DYNC1LI1: variants seen among roughly 807,000 people sequenced by gnomAD.
DYNC1LI1 encodes dynein cytoplasmic 1 light intermediate chain 1, also known as cytoplasmic dynein 1 light intermediate chain 1.
DYNC1LI1 carries 19 observed loss-of-function variants against 63.8 expected under a neutral mutation model. The observed-to-expected ratio is 0.30, with a 90% confidence interval of 0.21 to 0.44. The LOEUF (loss-of-function observed/expected upper bound fraction) is 0.44. DYNC1LI1 is among the 20% of genes least tolerant of loss of function. DYNC1LI1 has a pLI of 1.00. For synonymous variants in DYNC1LI1, 225 were observed against 232.3 expected (o/e 0.97, Z 0.28); for missense variants, 565 against 630.2 (o/e 0.90, Z 1.11).
intron 5 of DYNC1LI1, among the ~76,000 whole-genome samples, chr3:32,540,344 A>G (rs1164294742): frequency 1.3e-5 from 2 of 152,104 alleles, no homozygotes; most frequent in African/African-American, 4.8e-5. Context: ...TTAAAAGTCT[A>G]CTTTAAGTAT....
At chr3:32,561,686 G>GA (rs1474399192) in intron 2 of DYNC1LI1, among the ~76,000 whole-genome samples, 2 of 150,926 alleles carry the variant, frequency 1.3e-5, no homozygotes, top group Non-Finnish European at 3.0e-5. Context: ...TACTTATGTA[G>GA]AAAGATTTAA....
rs1698335922 is a variant in DYNC1LI1, at chr3:32,570,629, G to T, written c.142C>A (p.Leu48Ile). Reference sequence around the variant, plus strand: ...AGGGAGAGGTGGAGTCGTTACCAAAGGTTCTGCCCGTCCTCGTCGTCGCCT... The same window carrying T: ...AGGGAGAGGTGGAGTCGTTACCAAATGTTCTGCCCGTCCTCGTCGTCGCCT... ...AAGDDEDGQN[L>I]WSCILSEVST... is the part of the protein sequence containing the mutation. Residue 48 changes from leucine (L) to isoleucine (I), a missense_variant, in exon 1 of 13, where the codon CTT (leucine) becomes ATT (isoleucine). Transcript: ENST00000273130. 1 of 1,576,474 alleles carries T rather than the reference G, an allele frequency of 6.3e-7. No individual in the cohort carries two copies. The highest frequency in any genetic ancestry group is 8.6e-7 in the Non-Finnish European group (1 of 1,161,476).
intron 6 of DYNC1LI1, among the ~76,000 whole-genome samples, chr3:32,536,487 T>A (rs550866226): frequency 6.6e-6 from 1 of 152,316 alleles, no homozygotes; most frequent in African/African-American, 2.4e-5. Flanking sequence ...TAACAAGACT[T>A]TCTATGATAG....
At position 32,570,329 on chromosome 3, in the gene DYNC1LI1, A is replaced by G; in HGVS notation, c.220+17T>C. 6.3e-7 allele frequency: 1 copy of G among 1,580,598 alleles called. No individual in the cohort carries two copies. Among genetic ancestry groups the G allele is most frequent in the Non-Finnish European group, 8.6e-7 (1 of 1,161,258 alleles). The stretch of plus-strand genomic sequence containing the variant: ...GCTGGGGGCCGGGCGGGGCGGGGCG[A>G]GGCAGGGAACACTTACCCAGCAGTA... On this transcript the variant is annotated intron_variant, in intron 2 of 12. Coordinates refer to ENST00000273130, the MANE Select transcript of DYNC1LI1 (RefSeq NM_016141.4).
At chr3:32,568,071 C>T (rs1162467291) in intron 2 of DYNC1LI1, among the ~76,000 whole-genome samples, 1 of 152,052 alleles carries the variant, frequency 6.6e-6, no homozygotes, top group African/African-American at 2.4e-5. Flanking sequence ...CTCCTGAGCT[C>T]AAACGATCCA....
At chr3:32,545,656 T>C (rs1697942638) in intron 3 of DYNC1LI1, 193 bp downstream of exon 3, 1 of 580,554 alleles carries the variant, frequency 1.7e-6, no homozygotes, top group Non-Finnish European at 3.0e-6. Flanking sequence ...TACCTTAAGA[T>C]GCTTAAAAGT....
chr3:32,570,389 G>C lies in DYNC1LI1; in HGVS notation c.177C>G (p.Arg59=). Residue 59 remains arginine, a synonymous_variant, in exon 2 of 13, where the codon CGC becomes CGG. Coordinates refer to ENST00000273130, the MANE Select transcript of DYNC1LI1 (RefSeq NM_016141.4). ...TCCCCGCAGGGAGCTTGGAGCGCGAGCGGGTGGAGACCTCGCTGAGGATGC... is the reference window on the plus strand; with the variant it reads ...TCCCCGCAGGGAGCTTGGAGCGCGACCGGGTGGAGACCTCGCTGAGGATGC... The part of the protein sequence containing the change: ...WSCILSEVST[R]SRSKLPAGKN... 6.2e-7 allele frequency: 1 copy of C among 1,606,774 alleles called. No homozygotes were observed. Among genetic ancestry groups the C allele is most frequent in the Non-Finnish European group, 8.5e-7 (1 of 1,177,596 alleles).
chr3:32,552,625 G>A (rs1698057946), intron 2 of DYNC1LI1, among the ~76,000 whole-genome samples: 1 of 152,090 alleles, frequency 6.6e-6, no homozygotes. Context: ...TGCATCCCTA[G>A]TACCTAAAAA....
chr3:32,532,480 A>ATGTGTATATATAT (rs1401907458), intron 8 of DYNC1LI1: 4 of 107,730 alleles, frequency 3.7e-5, no homozygotes, highest in African/African-American at 1.5e-4. Flanking sequence ...AAAAAAAAAA[A>ATGTGTATATATAT]ATGTGTGTAT....
intron 2 of DYNC1LI1, 102 bp downstream of exon 2, chr3:32,570,244 G>A (rs1315515881): frequency 2.1e-6 from 2 of 971,800 alleles, no homozygotes; most frequent in Non-Finnish European, 3.2e-6. Flanking sequence ...GGCGGGGCTG[G>A]GCCGGCTGTC....
chr3:32,562,200 C>T (rs571233046), intron 2 of DYNC1LI1, among the ~76,000 whole-genome samples: 10 of 152,114 alleles, frequency 6.6e-5, no homozygotes, highest in Admixed American at 3.9e-4. Context: ...GAATTGGAGG[C>T]TGCAGTAAGC....
At chr3:32,558,164 C>G (rs1027906299) in intron 2 of DYNC1LI1, among the ~76,000 whole-genome samples, 9 of 152,116 alleles carry the variant, frequency 5.9e-5, no homozygotes, top group South Asian at 2.1e-4. Context: ...GCCCAGGAGG[C>G]TGAGGCTGTA....
chr3:32,536,343 C>T (rs781664010), intron 6 of DYNC1LI1, among the ~76,000 whole-genome samples: 1 of 152,114 alleles, frequency 6.6e-6, no homozygotes, highest in Non-Finnish European at 1.5e-5. Flanking sequence ...TGAGTTTACT[C>T]TTCAGTGCAT....
Position 32,561,034 on chromosome 3 carries a change from C to CAAAAA in DYNC1LI1, c.220+9311_220+9312insTTTTT, listed in dbSNP as rs1553619588. The stretch of plus-strand genomic sequence containing the variant: ...AAAAAAAAAAAAAAAAAAAAAAAAA[C>CAAAAA]AAACAAAAAAAACACACACACACCA... On this transcript the variant is annotated intron_variant, in intron 2 of 12. Transcript: ENST00000273130. Among the ~76,000 whole-genome samples the CAAAAA allele has an allele frequency of 6.7e-4, 35 of 51,928 alleles. 2 individuals are homozygous for CAAAAA. The highest frequency in any genetic ancestry group is 6.8e-4 in the Non-Finnish European group (19 of 28,122). 34.1% of individuals were successfully genotyped at this position (51,928 alleles called of 152,430 possible). A position where few individuals can be genotyped will look rare whatever the true frequency, so the allele number is the denominator to read the frequency against.
chr3:32,529,892 A>T (rs1027813706), intron 10 of DYNC1LI1, among the ~76,000 whole-genome samples: 2 of 152,192 alleles, frequency 1.3e-5, no homozygotes, highest in African/African-American at 4.8e-5. Flanking sequence ...AATAAAGAAC[A>T]TATTGAGTGA....
chr3:32,534,945 A>G (rs2125431709), intron 6 of DYNC1LI1, among the ~76,000 whole-genome samples: 1 of 152,348 alleles, frequency 6.6e-6, no homozygotes, highest in Admixed American at 6.5e-5. Context: ...TATTTAAAGC[A>G]CATGAAAGGA....
intron 2 of DYNC1LI1, among the ~76,000 whole-genome samples, chr3:32,564,983 G>A (rs1206455330): frequency 2.6e-5 from 4 of 152,086 alleles, no homozygotes; most frequent in African/African-American, 9.7e-5. Flanking sequence ...TTCCTGAAGG[G>A]GGGGAAAAAA....
At chr3:32,555,693 T>TTATG (rs2125442651) in intron 2 of DYNC1LI1, among the ~76,000 whole-genome samples, 1 of 152,310 alleles carries the variant, frequency 6.6e-6, no homozygotes, top group African/African-American at 2.4e-5. Flanking sequence ...ACCGATCTCA[T>TTATG]TATGCTACTC....
At position 32,528,455 on chromosome 3, in the gene DYNC1LI1, T is replaced by A. The variant is rs1274655314; in HGVS notation, c.1453A>T (p.Lys485Ter). The change falls in exon 12 of 13, where the codon AAA becomes TAA. Residue 485 changes from lysine (K) to a stop codon, truncating the protein, a stop_gained. Coordinates refer to ENST00000273130, the MANE Select transcript of DYNC1LI1 (RefSeq NM_016141.4). LOFTEE classifies it high-confidence loss of function. Reference protein sequence around the residue: ...GGSSGLPPSTKKSGQKPVLDV... With the variant: ...GGSSGLPPST ...CTTCCCATAAGCATACCTGACTTTTTGGTGGATGGTGGTAAACCACTGCTT... is the reference window on the plus strand; with the variant it reads ...CTTCCCATAAGCATACCTGACTTTTAGGTGGATGGTGGTAAACCACTGCTT... 6.2e-7 allele frequency: 1 copy of A among 1,614,058 alleles called. No individual in the cohort carries two copies. Among genetic ancestry groups the A allele is most frequent in the Non-Finnish European group, 8.5e-7 (1 of 1,180,022 alleles).
Sources: allele counts gnomAD v4.1 joint callset (sites outside exome capture counted in the v4.1 genomes callset), GRCh38; gene constraint gnomAD v4.1.1; transcripts MANE v1.5; gene names NCBI Gene and HGNC (gene_info 2026-07-23, HGNC 2026-07-21).